The following ELAVL4 variants were observed in gnomAD, a reference collection of about 807,000 sequenced individuals.
ELAVL4 encodes the protein ELAV like RNA binding protein 4.
ELAVL4 carries 1 observed loss-of-function variant against 35.6 expected under a neutral mutation model. The ratio of observed to expected loss-of-function variants is 0.03; its 90% CI spans 0.01 to 0.13. The LOEUF (loss-of-function observed/expected upper bound fraction) is 0.13. Ranked by LOEUF, ELAVL4 falls within the 10% of genes least tolerant of loss-of-function variation. The probability of loss-of-function intolerance (pLI) is 1.00; values close to 1 mark genes in which losing one functional copy is unlikely to be tolerated. For synonymous variants in ELAVL4, 156 were observed against 171.0 expected (o/e 0.91, Z 0.69); for missense variants, 267 against 464.9 (o/e 0.57, Z 3.91).
chr1:50,177,967 G>C (rs189133492), intron 3 of ELAVL4, among the ~76,000 whole-genome samples: 88 of 152,320 alleles, frequency 5.8e-4, no homozygotes, highest in African/African-American at 2.0e-3. Flanking sequence ...TCACTGGATA[G>C]TCATACTCTG....
rs114821455 is a variant in ELAVL4 at position 50,053,685 on chromosome 1, C to G, written c.18+5503C>G. Among the ~76,000 whole-genome samples, 287 of 152,214 alleles carry G rather than the reference C, an allele frequency of 1.9e-3. 2 individuals carry two copies. The highest frequency in any genetic ancestry group is 6.7e-3 in the African/African-American group (277 of 41,528). ...ATTGAGTGTCTGGTATGGACCTGGC[C>G]CAGTTGTAGCTGTTTAGGATGTATC... On this transcript the variant is annotated intron_variant, in intron 1 of 6. Transcript: ENST00000448907.
chr1:50,083,809 G>A (rs1251261189), intron 1 of ELAVL4, among the ~76,000 whole-genome samples: 1 of 152,172 alleles, frequency 6.6e-6, no homozygotes, highest in Non-Finnish European at 1.5e-5. Flanking sequence ...ACCACACTGG[G>A]CAGCCACGTA....
At chr1:50,155,856 A>C (rs929305268) in intron 2 of ELAVL4, among the ~76,000 whole-genome samples, 2 of 152,132 alleles carry the variant, frequency 1.3e-5, no homozygotes, top group Non-Finnish European at 2.9e-5. Context: ...AACTGTGGAA[A>C]CTGGAACTAG....
intron 3 of ELAVL4, 76 bp downstream of exon 3, chr1:50,177,268 C>CCTGGAT: frequency 2.7e-6 from 3 of 1,121,038 alleles, no homozygotes; most frequent in Non-Finnish European, 4.1e-6. Context: ...TAAATCCAGG[C>CCTGGAT]TATGTGGGGG....
intron 1 of ELAVL4, among the ~76,000 whole-genome samples, chr1:50,139,249 T>C (rs144370546): frequency 2.6e-5 from 4 of 152,336 alleles, no homozygotes; most frequent in African/African-American, 9.6e-5. Flanking sequence ...ACCTACCGAT[T>C]GTTAGGCTTT....
chr1:50,138,515 A>T (rs1484925695), intron 1 of ELAVL4, among the ~76,000 whole-genome samples: 1 of 151,498 alleles, frequency 6.6e-6, no homozygotes, highest in Non-Finnish European at 1.5e-5. Context: ...GCTGGAGTGC[A>T]GTGGCGTGAT....
intron 1 of ELAVL4, among the ~76,000 whole-genome samples, chr1:50,085,295 A>G (rs538299721): frequency 6.6e-6 from 1 of 152,342 alleles, no homozygotes; most frequent in African/African-American, 2.4e-5. Flanking sequence ...GAACACACAC[A>G]TCCTTTCCTG....
rs184471193 is a variant in ELAVL4, at chr1:50,091,953, C to T, written c.18+43771C>T. 2.4e-4 allele frequency among the ~76,000 whole-genome samples: 36 copies of T among 152,240 alleles called. 1 individual carries two copies. Among genetic ancestry groups the T allele is most frequent in the African/African-American group, 7.7e-4 (32 of 41,554 alleles). Reference sequence around the variant, plus strand: ...ATCTCTATACTTCCAAACTCTTTCGCCTAGACCACACAAGATTGTATCAGC... The same window carrying T: ...ATCTCTATACTTCCAAACTCTTTCGTCTAGACCACACAAGATTGTATCAGC... On this transcript the variant is annotated intron_variant, in intron 1 of 6. Coordinates refer to the ELAVL4 transcript ENST00000448907.
In ELAVL4 at chr1:50,177,168, C is replaced by T. The variant is rs981858870; in HGVS notation, c.330C>T (p.Leu110=). The change falls in exon 3 of 7, where the codon CTC becomes CTT. Residue 110 remains leucine (L), a synonymous_variant. Coordinates refer to ENST00000371824, the MANE Select transcript of ELAVL4 (RefSeq NM_001144774.3). ...AEKAINTLNG[L]RLQTKTIKVS... is the part of the protein sequence containing the mutation. The stretch of plus-strand genomic sequence containing the variant: ...AAGCCATCAACACTTTAAATGGACT[C>T]AGACTCCAGACCAAAACCATAAAGG... 6.2e-7 allele frequency: 1 copy of T among 1,613,802 alleles called. No individual in the cohort carries two copies. Among genetic ancestry groups the T allele is most frequent in the Non-Finnish European group, 8.5e-7 (1 of 1,179,890 alleles).
In ELAVL4 at chr1:50,201,120, G is replaced by A. The variant is rs377132231; in HGVS notation, c.1043G>A (p.Arg348His). 7 of 1,613,124 alleles carry A rather than the reference G, an allele frequency of 4.3e-6. No individual in the cohort carries two copies. Among genetic ancestry groups the A allele is most frequent in the Non-Finnish European group, 5.1e-6 (6 of 1,179,430 alleles). ...GCCATCGCCAGCCTCAACGGGTACC[G>A]CCTGGGAGACAGAGTGTTGCAAGTT... Reference protein sequence around the residue: ...AMAIASLNGYRLGDRVLQVSF... With the variant: ...AMAIASLNGYHLGDRVLQVSF... Residue 348 changes from arginine to histidine, a missense_variant, in exon 7 of 7, where the codon CGC becomes CAC. By Grantham distance (29) the Arg-to-His change is conservative. Transcript: ENST00000371824. The surrounding 1 kb of genome is among the most constrained non-coding windows in gnomAD (Gnocchi z 4.3).
chr1:50,092,184 A>T (rs1364682443), intron 1 of ELAVL4, among the ~76,000 whole-genome samples: 1 of 152,246 alleles, frequency 6.6e-6, no homozygotes, highest in East Asian at 1.9e-4. Context: ...TAGACAAGTT[A>T]TGATGGGTAT....
chr1:50,141,821 A>T (rs1419707046), intron 1 of ELAVL4: 1 of 152,242 alleles, frequency 6.6e-6, no homozygotes, highest in Non-Finnish European at 1.5e-5. Context: ...AATTCTGGTG[A>T]TGGGAGAAGT....
intron 1 of ELAVL4, among the ~76,000 whole-genome samples, chr1:50,053,517 T>A (rs1663501173): frequency 6.6e-6 from 1 of 152,038 alleles, no homozygotes; most frequent in African/African-American, 2.4e-5. Flanking sequence ...CCTAGCTAAT[T>A]TTTGCATTTT....
intron 1 of ELAVL4, among the ~76,000 whole-genome samples, chr1:50,097,351 AT>A (rs1665761995): frequency 6.6e-6 from 1 of 152,232 alleles, no homozygotes; most frequent in African/African-American, 2.4e-5. Flanking sequence ...AGCCAGCATT[AT>A]TACAGTGTAA....
At chr1:50,133,659 A>T (rs892414673) in intron 1 of ELAVL4, among the ~76,000 whole-genome samples, 2 of 145,940 alleles carry the variant, frequency 1.4e-5, no homozygotes, top group Non-Finnish European at 3.1e-5. Flanking sequence ...AAGAGAAAGA[A>T]AGAAAGAAAG....
chr1:50,177,309 A>G (rs1453666830), intron 3 of ELAVL4, 117 bp downstream of exon 3: 19 of 755,578 alleles, frequency 2.5e-5, no homozygotes, highest in Admixed American at 2.5e-4. Context: ...TTATTCAAAG[A>G]ACATTTACCA....
chr1:50,161,341 G>A (rs1676773242), intron 2 of ELAVL4, among the ~76,000 whole-genome samples: 1 of 151,790 alleles, frequency 6.6e-6, no homozygotes, highest in African/African-American at 2.4e-5. Flanking sequence ...TTAATTTAAT[G>A]TTGCTTCGAT....
chr1:50,055,789 A>T lies in ELAVL4; in HGVS notation c.18+7607A>T, dbSNP rs559969626. Among the ~76,000 whole-genome samples, 4 of 152,152 alleles carry T rather than the reference A, an allele frequency of 2.6e-5. No homozygotes were observed. In the East Asian group the frequency reaches 7.8e-4, roughly 30 times the overall value. On this transcript the variant is annotated intron_variant, in intron 1 of 6. Transcript: ENST00000448907. ...CTTAGTATGAGGCTCCTTCAACGAAAACCTTTACAGGAAAAGTTTTGAAGT... is the reference window on the plus strand; with the variant it reads ...CTTAGTATGAGGCTCCTTCAACGAATACCTTTACAGGAAAAGTTTTGAAGT...
At chr1:50,066,915 T>C (rs1664289973) in intron 1 of ELAVL4, among the ~76,000 whole-genome samples, 1 of 152,136 alleles carries the variant, frequency 6.6e-6, no homozygotes, top group South Asian at 2.1e-4. Flanking sequence ...TTTTTCCTTT[T>C]CCCTCAAACT....
Sources: allele counts gnomAD v4.1 joint callset (sites outside exome capture counted in the v4.1 genomes callset), GRCh38; gene constraint gnomAD v4.1.1; non-coding constraint Gnocchi (gnomAD v3.1); transcripts MANE v1.5; gene names NCBI Gene and HGNC (gene_info 2026-07-23, HGNC 2026-07-21).